The following PRH1 variants were observed in gnomAD, a reference collection of about 807,000 sequenced individuals.
PRH1 encodes the protein proline rich protein HaeIII subfamily 1, also known as salivary acidic proline-rich phosphoprotein 1/2.
Under a neutral mutation model 7.9 loss-of-function variants are expected in PRH1, and 7 were observed. The observed-to-expected ratio is 0.89, with a 90% confidence interval of 0.50 to 1.67. PRH1 has a LOEUF of 1.67. Ranked by LOEUF, PRH1 falls within the 40% of genes most tolerant of loss-of-function variation. PRH1 has a pLI of 0.00. For missense variants in PRH1, 109 were observed against 223.6 expected (o/e 0.49, Z 3.27); for synonymous variants, 45 against 80.8 (o/e 0.56, Z 2.38).
intron 1 of PRH1, chr12:11,006,183 A>G (rs912958206): frequency 1.3e-5 from 2 of 151,966 alleles, no homozygotes; most frequent in African/African-American, 4.8e-5. Context: ...TATGATCACC[A>G]AAAAACACAG....
chr12:11,119,843 G>A (rs1045564103), downstream of PRH1, among the ~76,000 whole-genome samples: 1 of 152,130 alleles, frequency 6.6e-6, no homozygotes, highest in South Asian at 2.1e-4. Context: ...TAGTTAAGAT[G>A]GAATACTGAA....
chr12:10,914,188 T>C (rs563323674), intron 2 of PRH1, among the ~76,000 whole-genome samples: 13 of 152,200 alleles, frequency 8.5e-5, no homozygotes, highest in Non-Finnish European at 1.8e-4. Context: ...TTGAAAGTTT[T>C]GTAACTCTAG....
chr12:10,950,123 A>G (rs893042393), intron 2 of PRH1, among the ~76,000 whole-genome samples: 4 of 152,148 alleles, frequency 2.6e-5, no homozygotes, highest in African/African-American at 9.7e-5. Context: ...ACTCTACCGC[A>G]TAAGTATGCC....
intron 1 of PRH1, among the ~76,000 whole-genome samples, chr12:11,015,056 T>C (rs1941229239): frequency 6.6e-6 from 1 of 152,084 alleles, no homozygotes; most frequent in Non-Finnish European, 1.5e-5. Context: ...GGCTGAGGCA[T>C]ACGTGTTAAG....
chr12:11,133,897 A>G (rs369884455), intron 1 of PRH1: 65 of 1,613,994 alleles, frequency 4.0e-5, no homozygotes, highest in Non-Finnish European at 5.4e-5. Flanking sequence ...GAAGAAAAAT[A>G]AGGTTGGAGA....
intron 1 of PRH1, among the ~76,000 whole-genome samples, chr12:11,168,248 GA>G (rs1555178251): frequency 0.012 from 266 of 21,460 alleles, 26 homozygotes; most frequent in African/African-American, 0.031. Context: ...AAGAAAGAAA[GA>G]AAGAAAGAAA....
chr12:10,989,202 A>G (rs1939804367), intron 1 of PRH1, among the ~76,000 whole-genome samples: 1 of 151,856 alleles, frequency 6.6e-6, no homozygotes, highest in Non-Finnish European at 1.5e-5. Flanking sequence ...ATGTAGGTGT[A>G]GTCCTGTATG....
intron 1 of PRH1, among the ~76,000 whole-genome samples, chr12:11,067,776 T>C (rs1943890021): frequency 6.6e-6 from 1 of 152,152 alleles, no homozygotes; most frequent in South Asian, 2.1e-4. Context: ...GATGGGAGAA[T>C]TACTTGAGCC....
At chr12:10,944,423 G>A (rs1950453375) in intron 2 of PRH1, among the ~76,000 whole-genome samples, 1 of 152,130 alleles carries the variant, frequency 6.6e-6, no homozygotes. Context: ...TTTGTATCCT[G>A]CAACTTTTCT....
upstream of PRH1, among the ~76,000 whole-genome samples, chr12:10,885,397 T>A (rs1241776559): frequency 1.3e-5 from 2 of 152,086 alleles, no homozygotes; most frequent in African/African-American, 2.4e-5. Flanking sequence ...TCCTATATCT[T>A]TTTTTTTCTC....
chr12:10,892,644 G>T (rs1436097622), intron 2 of PRH1, among the ~76,000 whole-genome samples: 1 of 152,116 alleles, frequency 6.6e-6, no homozygotes, highest in Non-Finnish European at 1.5e-5. Flanking sequence ...AGAAAAAGAA[G>T]TAAAATCTAA....
At chr12:10,964,440 G>GT (rs1938402869) in intron 2 of PRH1, 1 of 237,156 alleles carries the variant, frequency 4.2e-6, no homozygotes, top group African/African-American at 2.3e-5. Context: ...GAGAGTTTCA[G>GT]GTCTTTTACT....
At chr12:11,112,203 C>A (rs1334417508) in intron 1 of PRH1, among the ~76,000 whole-genome samples, 1 of 152,122 alleles carries the variant, frequency 6.6e-6, no homozygotes, top group East Asian at 1.9e-4. Flanking sequence ...GACATATTCA[C>A]AACCAAATTC....
At chr12:10,937,935 CTG>C (rs1405116137) in intron 2 of PRH1, 2 of 199,938 alleles carry the variant, frequency 1.0e-5, no homozygotes, top group Admixed American at 1.2e-4. Context: ...TTTTTAGTAA[CTG>C]TGTCACATAC....
intron 2 of PRH1, among the ~76,000 whole-genome samples, chr12:10,932,500 CT>C: frequency 6.6e-6 from 1 of 152,046 alleles, no homozygotes; most frequent in East Asian, 1.9e-4. Context: ...CCTTCTCTGT[CT>C]TCTTAGCTCG....
At chr12:11,023,702 CAGA>C (rs1167190053) in intron 1 of PRH1, among the ~76,000 whole-genome samples, 1 of 152,162 alleles carries the variant, frequency 6.6e-6, no homozygotes, top group Non-Finnish European at 1.5e-5. Context: ...ACACTGTTCC[CAGA>C]AGAAGAAAGA....
Position 10,924,765 on chromosome 12 carries a change from C to T in PRH1, c.-58-40490G>A, listed in dbSNP as rs146050710. On this transcript the variant is annotated intron_variant, in intron 2 of 3. Coordinates refer to the PRH1 transcript ENST00000539853. Reference sequence around the variant, plus strand: ...GTGTCGAGGAATGTATCCATTTCTTCTAGATTTTCTAGTTTATTTGCATAG... The same window carrying T: ...GTGTCGAGGAATGTATCCATTTCTTTTAGATTTTCTAGTTTATTTGCATAG... Among the ~76,000 whole-genome samples, 45 of 152,232 alleles carry T rather than the reference C, an allele frequency of 3.0e-4. No individual in the cohort carries two copies. The East Asian group carries it at 7.3e-3, about 25-fold the overall frequency.
intron 1 of PRH1, among the ~76,000 whole-genome samples, chr12:10,999,917 C>T (rs752635446): frequency 1.3e-5 from 2 of 152,038 alleles, no homozygotes; most frequent in South Asian, 2.1e-4. Flanking sequence ...CTTTTCACCT[C>T]TATATACTGT....
At chr12:11,119,575 TA>T (rs565269339), downstream of PRH1, among the ~76,000 whole-genome samples, 1 of 151,738 alleles carries the variant, frequency 6.6e-6, no homozygotes, top group African/African-American at 2.4e-5. Flanking sequence ...AAAAATACAT[TA>T]AAAAAAAAGA....
Sources: gnomAD v4.1 joint callset for allele counts (sites outside exome capture counted in the v4.1 genomes callset) on GRCh38, gnomAD v4.1.1 for gene constraint, MANE v1.5 for transcripts, NCBI Gene and HGNC (gene_info 2026-07-23, HGNC 2026-07-21) for gene names.